ATP2B2: variants seen among roughly 807,000 people sequenced by gnomAD.
ATP2B2 encodes the protein ATPase plasma membrane Ca2+ transporting 2, also known as plasma membrane calcium-transporting ATPase 2.
ATP2B2 carries 15 observed loss-of-function variants against 120.0 expected under a neutral mutation model. The observed-to-expected ratio is 0.12, with a 90% CI of 0.08 to 0.19. The LOEUF (loss-of-function observed/expected upper bound fraction) is 0.19. Ranked by LOEUF, ATP2B2 falls within the 10% of genes least tolerant of loss-of-function variation. The probability of loss-of-function intolerance (pLI) is 1.00; values close to 1 mark genes in which losing one functional copy is unlikely to be tolerated. For synonymous variants in ATP2B2, 694 were observed against 700.3 expected (o/e 0.99, Z 0.14); for missense variants, 1,045 against 1,719.8 (o/e 0.61, Z 6.94).
chr3:10,527,459 C>T (rs908309516), intron 3 of ATP2B2, among the ~76,000 whole-genome samples: 1 of 152,180 alleles, frequency 6.6e-6, no homozygotes, highest in Non-Finnish European at 1.5e-5. Context: ...ACTCTTTCAC[C>T]GCCCTCTGGA....
chr3:10,464,904 T>C (rs548654787), intron 1 of ATP2B2, among the ~76,000 whole-genome samples: 2 of 152,330 alleles, frequency 1.3e-5, no homozygotes, highest in African/African-American at 4.8e-5. Flanking sequence ...AGAGCTGGGC[T>C]CAGGCCCAAG....
intron 2 of ATP2B2, among the ~76,000 whole-genome samples, chr3:10,534,629 T>A (rs1344814233): frequency 6.6e-6 from 1 of 152,160 alleles, no homozygotes; most frequent in Non-Finnish European, 1.5e-5. Flanking sequence ...GAAAGAGTGG[T>A]CACAGGTGTG....
At chr3:10,417,275 G>A (rs2062823862) in intron 2 of ATP2B2, among the ~76,000 whole-genome samples, 1 of 150,206 alleles carries the variant, frequency 6.7e-6, no homozygotes, top group Non-Finnish European at 1.5e-5. Flanking sequence ...AGAGTGTGGG[G>A]GCCGAGCAGA....
At chr3:10,485,281 C>T (rs1383062559) in intron 1 of ATP2B2, among the ~76,000 whole-genome samples, 1 of 152,222 alleles carries the variant, frequency 6.6e-6, no homozygotes, top group African/African-American at 2.4e-5. Context: ...TTTATTATCC[C>T]TATTTTACAG....
intron 3 of ATP2B2, among the ~76,000 whole-genome samples, chr3:10,530,690 T>C (rs2067193388): frequency 6.6e-6 from 1 of 152,196 alleles, no homozygotes; most frequent in South Asian, 2.1e-4. Context: ...CAAGTCCTTT[T>C]AAAGCCCTAC....
chr3:10,439,732 C>G (rs2063594019), intron 2 of ATP2B2, among the ~76,000 whole-genome samples: 1 of 151,878 alleles, frequency 6.6e-6, no homozygotes, highest in African/African-American at 2.4e-5. Flanking sequence ...AAAGGAGTAT[C>G]AGGCCGGGCA....
intron 2 of ATP2B2, among the ~76,000 whole-genome samples, chr3:10,412,076 C>A (rs1028787785): frequency 2.0e-5 from 3 of 152,258 alleles, no homozygotes; most frequent in African/African-American, 4.8e-5. Flanking sequence ...TGTCTGCAGC[C>A]TTGGCTTTTG....
intron 2 of ATP2B2, among the ~76,000 whole-genome samples, chr3:10,445,278 G>A (rs994317806): frequency 6.6e-6 from 1 of 151,068 alleles, no homozygotes; most frequent in Admixed American, 6.6e-5. Flanking sequence ...AGTTCATTGA[G>A]GTTCAGAGAG....
chr3:10,636,270 C>T (rs2070019249), intron 1 of ATP2B2, among the ~76,000 whole-genome samples: 1 of 152,178 alleles, frequency 6.6e-6, no homozygotes, highest in Admixed American at 6.5e-5. Flanking sequence ...GACAGAAATG[C>T]AAGGTGACAG....
chr3:10,419,465 A>G (rs1032951999), intron 2 of ATP2B2, among the ~76,000 whole-genome samples: 1 of 152,242 alleles, frequency 6.6e-6, no homozygotes, highest in African/African-American at 2.4e-5. Context: ...GCATTGCAGG[A>G]ATTTCTGTCT....
At chr3:10,650,577 G>A (rs1297428842) in intron 1 of ATP2B2, among the ~76,000 whole-genome samples, 4 of 152,228 alleles carry the variant, frequency 2.6e-5, no homozygotes, top group African/African-American at 9.6e-5. Context: ...GGAACTGAAT[G>A]TTAATCTCCA....
At chr3:10,525,370 G>C (rs2067070818) in intron 3 of ATP2B2, among the ~76,000 whole-genome samples, 1 of 152,106 alleles carries the variant, frequency 6.6e-6, no homozygotes, top group Non-Finnish European at 1.5e-5. Flanking sequence ...TAACCTTTTT[G>C]TTTTAGAAGA....
intron 1 of ATP2B2, among the ~76,000 whole-genome samples, chr3:10,633,884 G>A (rs892606): frequency 0.027 from 4,093 of 152,224 alleles, 68 homozygotes; most frequent in South Asian, 0.088. Context: ...GACAAGAAAT[G>A]CCTGATACTC....
intron 1 of ATP2B2, among the ~76,000 whole-genome samples, chr3:10,691,630 G>GT (rs2071665389): frequency 6.6e-6 from 1 of 152,214 alleles, no homozygotes; most frequent in Non-Finnish European, 1.5e-5. Context: ...GAGGAGAAAT[G>GT]CTCTGGCTTA....
At chr3:10,407,915 T>C (rs2062471833) in intron 3 of ATP2B2, among the ~76,000 whole-genome samples, 2 of 152,198 alleles carry the variant, frequency 1.3e-5, no homozygotes, top group South Asian at 4.1e-4. Flanking sequence ...ACACTGAAGC[T>C]GAGCACATGG....
intron 2 of ATP2B2, among the ~76,000 whole-genome samples, chr3:10,419,904 CT>C (rs2062915594): frequency 6.6e-6 from 1 of 152,194 alleles, no homozygotes; most frequent in Admixed American, 6.5e-5. Context: ...AGCTTGATCC[CT>C]GCGACAATGG....
chr3:10,592,558 A>G (rs1276266030), intron 2 of ATP2B2, among the ~76,000 whole-genome samples: 1 of 152,184 alleles, frequency 6.6e-6, no homozygotes, highest in Non-Finnish European at 1.5e-5. Flanking sequence ...AACCTTGCAG[A>G]CATTTTTTTT....
At chr3:10,642,582 T>G (rs1335235524) in intron 1 of ATP2B2, among the ~76,000 whole-genome samples, 1 of 152,050 alleles carries the variant, frequency 6.6e-6, no homozygotes, top group East Asian at 1.9e-4. Flanking sequence ...CAGAGCTCTG[T>G]GCTCACATAT....
At chr3:10,581,805 C>T (rs1468118244) in intron 2 of ATP2B2, among the ~76,000 whole-genome samples, 3 of 152,142 alleles carry the variant, frequency 2.0e-5, no homozygotes, top group Admixed American at 6.5e-5. Context: ...ATCTGTAAAA[C>T]GGGGAGCATC....
Sources: gnomAD v4.1 joint callset for allele counts (sites outside exome capture counted in the v4.1 genomes callset) on GRCh38, gnomAD v4.1.1 for gene constraint, MANE v1.5 for transcripts, NCBI Gene and HGNC (gene_info 2026-07-23, HGNC 2026-07-21) for gene names.